Variants in PRKG1 observed in about 807,000 individuals in gnomAD.
PRKG1 encodes the protein protein kinase cGMP-dependent 1.
A neutral mutation model predicts 88.1 loss-of-function variants in PRKG1; 35 were observed. The observed-to-expected ratio is 0.40, with a 90% CI of 0.30 to 0.53. The LOEUF (loss-of-function observed/expected upper bound fraction) is 0.53. Ranked by LOEUF, PRKG1 falls within the 20% of genes least tolerant of loss-of-function variation. The pLI, the probability that PRKG1 is intolerant of heterozygous loss-of-function variation, is 0.59. For missense variants in PRKG1, 540 were observed against 839.8 expected, an observed-to-expected ratio of 0.64 and a Z score of 4.41; for synonymous variants, 303 against 292.5, an observed-to-expected ratio of 1.04 and a Z score of -0.37.
chr10:51,716,512 T>G (rs924523263), intron 3 of PRKG1, among the ~76,000 whole-genome samples: 1 of 152,148 alleles, frequency 6.6e-6, no homozygotes, highest in African/African-American at 2.4e-5. Context: ...TGGAAATAAG[T>G]TCCCTGATCA....
At chr10:51,348,984 C>T (rs1842176923) in intron 2 of PRKG1, among the ~76,000 whole-genome samples, 1 of 152,166 alleles carries the variant, frequency 6.6e-6, no homozygotes, top group Non-Finnish European at 1.5e-5. Flanking sequence ...CACTTGGCGG[C>T]ATTCATACTT....
chr10:51,534,629 T>C (rs1224149862), intron 3 of PRKG1, among the ~76,000 whole-genome samples: 1 of 135,820 alleles, frequency 7.4e-6, no homozygotes, highest in Non-Finnish European at 1.5e-5. Flanking sequence ...ATCACGCCAC[T>C]GCACTCCAGC....
At chr10:52,113,548 G>A (rs556408176) in intron 7 of PRKG1, among the ~76,000 whole-genome samples, 1 of 152,250 alleles carries the variant, frequency 6.6e-6, no homozygotes, top group East Asian at 1.9e-4. Context: ...TCTTGGGGTA[G>A]ATTGAAGAAA....
intron 2 of PRKG1, among the ~76,000 whole-genome samples, chr10:51,188,234 C>A (rs1837544201): frequency 6.6e-6 from 1 of 152,016 alleles, no homozygotes; most frequent in Non-Finnish European, 1.5e-5. Context: ...CTGACCTCAG[C>A]TAGCCATGGG....
rs1477600332 is a variant in PRKG1, at chr10:51,113,742, A to AC, written c.311+38841_311+38842insC. Among the ~76,000 whole-genome samples the AC allele has an allele frequency of 1.5e-4, 19 of 130,044 alleles. No homozygotes were observed. The South Asian group carries it at 1.5e-3, about 10-fold the overall frequency. The allele number at this position is 130,044 out of a possible 152,430, so 85.3% of individuals were successfully genotyped here. A position where few individuals can be genotyped will look rare whatever the true frequency, so the allele number is the denominator to read the frequency against. On this transcript the variant is annotated intron_variant, in intron 1 of 17. Coordinates refer to ENST00000373980, the MANE Select transcript of PRKG1 (RefSeq NM_006258.4). ...AGCATTCTATTTAAAAAAAAAAAAA[A>AC]AAAAAAACTAAAAGAAGAGGAAAAG...
chr10:51,629,925 A>G (rs1589145232), intron 3 of PRKG1, among the ~76,000 whole-genome samples: 1 of 152,210 alleles, frequency 6.6e-6, no homozygotes, highest in Non-Finnish European at 1.5e-5. Flanking sequence ...CATGTCAGAA[A>G]TTCCAATGTT....
intron 2 of PRKG1, among the ~76,000 whole-genome samples, chr10:51,305,858 T>C (rs2132248897): frequency 6.6e-6 from 1 of 152,338 alleles, no homozygotes. Flanking sequence ...GTTCCTGATA[T>C]GGAGGGCTTT....
intron 2 of PRKG1, chr10:51,302,911 G>A (rs781322448): frequency 1.1e-4 from 16 of 152,168 alleles, no homozygotes; most frequent in Non-Finnish European, 2.1e-4. Flanking sequence ...GTTCAGAGAA[G>A]TTAAGTATTT....
intron 2 of PRKG1, among the ~76,000 whole-genome samples, chr10:51,317,112 G>A (rs1841342719): frequency 6.6e-6 from 1 of 152,142 alleles, no homozygotes; most frequent in Admixed American, 6.5e-5. Flanking sequence ...CACCTGTCCT[G>A]CAGGTATCAC....
intron 9 of PRKG1, among the ~76,000 whole-genome samples, chr10:52,189,133 A>G (rs1589686865): frequency 6.6e-6 from 1 of 152,340 alleles, no homozygotes; most frequent in Middle Eastern, 3.4e-3. Flanking sequence ...TTCTGTATAA[A>G]GAAAATTTAT....
chr10:51,349,257 C>T (rs896859446), intron 2 of PRKG1, among the ~76,000 whole-genome samples: 6 of 152,074 alleles, frequency 3.9e-5, no homozygotes, highest in Non-Finnish European at 7.4e-5. Flanking sequence ...TCTGTTTCTT[C>T]CATGTAGTGA....
At chr10:51,789,210 A>G (rs1247662181) in intron 3 of PRKG1, among the ~76,000 whole-genome samples, 1 of 152,248 alleles carries the variant, frequency 6.6e-6, no homozygotes, top group Non-Finnish European at 1.5e-5. Flanking sequence ...GGTTCAAGCC[A>G]AAATCTGTTG....
At chr10:51,346,710 G>A (rs1842121145) in intron 2 of PRKG1, among the ~76,000 whole-genome samples, 1 of 152,140 alleles carries the variant, frequency 6.6e-6, no homozygotes. Flanking sequence ...TTTCCTTCAT[G>A]AGTATAACTT....
chr10:51,780,207 C>T (rs1838550369), intron 3 of PRKG1, among the ~76,000 whole-genome samples: 1 of 151,958 alleles, frequency 6.6e-6, no homozygotes, highest in Admixed American at 6.6e-5. Flanking sequence ...CCTGTCTTAC[C>T]TTTGGGTTGA....
At chr10:51,380,693 T>C (rs967306219) in intron 2 of PRKG1, among the ~76,000 whole-genome samples, 15 of 152,134 alleles carry the variant, frequency 9.9e-5, no homozygotes, top group African/African-American at 3.6e-4. Flanking sequence ...GCACAGCTCA[T>C]GCACCTAAAA....
chr10:51,704,715 G>A (rs557326325), intron 3 of PRKG1, among the ~76,000 whole-genome samples: 3 of 152,194 alleles, frequency 2.0e-5, no homozygotes, highest in South Asian at 4.1e-4. Flanking sequence ...TGTTTTTTAC[G>A]GCCTCAGAGG....
At chr10:52,205,631 G>C (rs1406746138) in intron 9 of PRKG1, among the ~76,000 whole-genome samples, 2 of 152,210 alleles carry the variant, frequency 1.3e-5, no homozygotes, top group South Asian at 4.2e-4. Flanking sequence ...TTTAGCATCT[G>C]CTAGTCTGAA....
At chr10:51,998,861 G>A (rs1844521559) in intron 5 of PRKG1, among the ~76,000 whole-genome samples, 1 of 151,946 alleles carries the variant, frequency 6.6e-6, no homozygotes, top group South Asian at 2.1e-4. Context: ...TCATTTTCCT[G>A]TGGCACTTCC....
At chr10:51,090,976 T>C (rs1222367251) in intron 1 of PRKG1, among the ~76,000 whole-genome samples, 1 of 152,210 alleles carries the variant, frequency 6.6e-6, no homozygotes, top group Non-Finnish European at 1.5e-5. Context: ...TCTTAGCTTA[T>C]AAATGCTTTC....
Sources: gnomAD v4.1 joint callset for allele counts (sites outside exome capture counted in the v4.1 genomes callset) on GRCh38, gnomAD v4.1.1 for gene constraint, MANE v1.5 for transcripts, NCBI Gene and HGNC (gene_info 2026-07-23, HGNC 2026-07-21) for gene names.